The following SMC4 variants were observed in gnomAD, a reference collection of about 807,000 sequenced individuals.
The protein encoded by SMC4 is structural maintenance of chromosomes 4, also known as structural maintenance of chromosomes protein 4.
Under a neutral mutation model 145.6 loss-of-function variants are expected in SMC4, and 87 were observed. The ratio of observed to expected loss-of-function variants is 0.60; its 90% confidence interval spans 0.50 to 0.71. The LOEUF (loss-of-function observed/expected upper bound fraction) is 0.71. SMC4 is among the 30% of genes least tolerant of loss of function. The pLI, the probability that SMC4 is intolerant of heterozygous loss-of-function variation, is 0.00. For missense variants in SMC4, 1,447 were observed against 1,537.1 expected, an observed-to-expected ratio of 0.94 and a Z score of 0.98; for synonymous variants, 558 against 500.7, an observed-to-expected ratio of 1.11 and a Z score of -1.53.
chr3:160,432,368 G>A lies in SMC4; in HGVS notation c.3383G>A (p.Arg1128Gln), dbSNP rs186691188. 30 of 1,613,782 alleles carry A rather than the reference G, an allele frequency of 1.9e-5. No homozygotes were observed. Among genetic ancestry groups the A allele is most frequent in the African/African-American group, 1.3e-4 (10 of 74,984 alleles). Residue 1128 changes from arginine (R) to glutamine (Q), a missense_variant, in exon 22 of 24, where the codon CGG (arginine) becomes CAG (glutamine). Physicochemically the swap from Arg to Gln is conservative, Grantham distance 43 (BLOSUM62 1). Coordinates refer to ENST00000357388, the MANE Select transcript of SMC4 (RefSeq NM_001002800.3). ...DSFRQAYEDL[R>Q]KQRLNEFMAG... ...TTTAGACAGGCATATGAAGATCTTC[G>A]GAAACAAAGGCTTAATGAATTTATG...
intron 9 of SMC4, 38 bp from the exon 10 acceptor site, chr3:160,416,213 A>T: frequency 2.8e-6 from 4 of 1,445,850 alleles, no homozygotes; most frequent in Non-Finnish European, 3.7e-6. Context: ...TGGGTAACAT[A>T]AAGATGTATG....
At chr3:160,406,869 G>A (rs930060812) in intron 5 of SMC4, among the ~76,000 whole-genome samples, 21 of 152,130 alleles carry the variant, frequency 1.4e-4, no homozygotes, top group African/African-American at 4.8e-4. Context: ...TATTAAGATG[G>A]CTAAACCTTA....
At chr3:160,406,764 T>G (rs1715376408) in intron 5 of SMC4, among the ~76,000 whole-genome samples, 1 of 152,222 alleles carries the variant, frequency 6.6e-6, no homozygotes, top group Non-Finnish European at 1.5e-5. Flanking sequence ...ATTTTTCAAG[T>G]AGGCATTTTT....
chr3:160,430,871 T>C (rs535360163), intron 19 of SMC4, 128 bp downstream of exon 19: 1 of 1,252,816 alleles, frequency 8.0e-7, no homozygotes. Context: ...TATCAATTTT[T>C]ATTTGTACAA....
chr3:160,405,114 A>C (rs1027837936), intron 5 of SMC4, among the ~76,000 whole-genome samples: 6 of 152,100 alleles, frequency 3.9e-5, no homozygotes, highest in African/African-American at 1.4e-4. Context: ...TACTGAAAGA[A>C]CGAAACTTTG....
intron 12 of SMC4, chr3:160,420,484 T>C (rs1717049740): frequency 5.4e-6 from 2 of 371,428 alleles, no homozygotes; most frequent in Non-Finnish European, 9.6e-6. Flanking sequence ...GTTTTGCTTA[T>C]AGTTCATTTA....
intron 5 of SMC4, among the ~76,000 whole-genome samples, chr3:160,405,620 A>G (rs1489699364): frequency 6.6e-6 from 1 of 152,042 alleles, no homozygotes; most frequent in African/African-American, 2.4e-5. Flanking sequence ...ATTCTAGGAT[A>G]ACCTTTTTTA....
Position 160,412,383 on chromosome 3 carries a change from A to G in SMC4, c.910A>G (p.Ile304Val). The change falls in exon 7 of 24, where the codon ATA becomes GTA. Residue 304 changes from isoleucine to valine, a missense_variant. Transcript: ENST00000357388. ...GGATGCCTTAGAAGGAGAGAAAAAC[A>G]TAGCTATCGAATTTCTTACCTTGGA... ...EKDALEGEKN[I>V]AIEFLTLENE... The G allele has an allele frequency of 1.9e-6, 3 of 1,605,178 alleles. No homozygotes were observed. Among genetic ancestry groups the G allele is most frequent in the South Asian group, 1.1e-5 (1 of 90,742 alleles).
Position 160,411,907 on chromosome 3 carries a change from CTTTT to C in SMC4, c.688-8_688-5del. On this transcript the variant is annotated splice_polypyrimidine_tract_variant and intron_variant, in intron 5 of 23. Transcript: ENST00000357388. Reference sequence around the variant, plus strand: ...CATACACAGTGAGTATGAAATATAACTTTTTTTTAAAGGGTGAAGTTGAACAAAT... The same window carrying C: ...CATACACAGTGAGTATGAAATATAACTTTTAAAGGGTGAAGTTGAACAAAT... 1 of 1,607,624 alleles carries C rather than the reference CTTTT, an allele frequency of 6.2e-7. No homozygotes were observed. The highest frequency in any genetic ancestry group is 8.5e-7 in the Non-Finnish European group (1 of 1,176,710).
Position 160,424,887 on chromosome 3 carries a change from G to A in SMC4, c.2346G>A (p.Gln782=). ...TGTAGGTAAACAAAATGGAATCACA[G>A]TTGCAAAACGACTCTAAAAAAGCAA... ...SEEEVNKMES[Q]LQNDSKKAMQ... The change falls in exon 16 of 24, where the codon CAG becomes CAA. Residue 782 remains glutamine, a synonymous_variant. Coordinates refer to ENST00000357388, the MANE Select transcript of SMC4 (RefSeq NM_001002800.3). 2 of 1,613,684 alleles carry A rather than the reference G, an allele frequency of 1.2e-6. No individual in the cohort carries two copies. The highest frequency in any genetic ancestry group is 1.7e-6 in the Non-Finnish European group (2 of 1,179,846).
chr3:160,404,376 A>G lies in SMC4; in HGVS notation c.559A>G (p.Arg187Gly). Residue 187 changes from arginine to glycine, a missense_variant, in exon 5 of 24, where the codon AGA (arginine) becomes GGA (glycine). Arg to Gly is a moderately radical substitution (Grantham distance 125). Coordinates refer to ENST00000357388, the MANE Select transcript of SMC4 (RefSeq NM_001002800.3). ...VIPNSNFYVS[R>G]TACRDNTSVY... ...TCCTAACAGTAATTTCTATGTATCC[A>G]GAACGGCCTGCAGAGATAATACTTC... 1.2e-6 allele frequency: 2 copies of G among 1,609,614 alleles called. No individual in the cohort carries two copies. The highest frequency in any genetic ancestry group is 1.7e-6 in the Non-Finnish European group (2 of 1,178,718).
Position 160,433,757 on chromosome 3 carries a change from C to A in SMC4, c.3815C>A (p.Thr1272Lys). The A allele has an allele frequency of 6.2e-7, 1 of 1,600,118 alleles. No homozygotes were observed. ...GGAATTTACAAGACATACAACATAA[C>A]AAAAAGTGTTGCTGTAAATCCAAAA... Reference protein sequence around the residue: ...LIGIYKTYNITKSVAVNPKEI... With the variant: ...LIGIYKTYNIKKSVAVNPKEI... The change falls in exon 24 of 24, where the codon ACA becomes AAA. Residue 1272 changes from threonine to lysine, a missense_variant. Transcript: ENST00000357388.
At chr3:160,419,696 T>C (rs979300875) in intron 12 of SMC4, among the ~76,000 whole-genome samples, 153 bp downstream of exon 12, 1 of 152,196 alleles carries the variant, frequency 6.6e-6, no homozygotes, top group Non-Finnish European at 1.5e-5. Flanking sequence ...TTAAACATTT[T>C]GCCCTTACAG....
intron 20 of SMC4, 82 bp from the exon 21 acceptor site, chr3:160,431,561 T>C: frequency 9.3e-7 from 1 of 1,075,660 alleles, no homozygotes; most frequent in East Asian, 2.5e-5. Flanking sequence ...CATAGCTGTG[T>C]AATTTGTCAT....
intron 13 of SMC4, among the ~76,000 whole-genome samples, chr3:160,421,151 G>C (rs926119449): frequency 1.3e-5 from 2 of 151,764 alleles, no homozygotes; most frequent in African/African-American, 4.8e-5. Context: ...GGATGGTCTG[G>C]ATCTCCTGAC....
intron 22 of SMC4, 86 bp downstream of exon 22, chr3:160,432,601 G>A (rs1389484605): frequency 1.2e-6 from 1 of 851,600 alleles, no homozygotes; most frequent in Non-Finnish European, 1.8e-6. Flanking sequence ...GGTAGGATGT[G>A]AAGGCAAGAT....
At chr3:160,428,040 G>C (rs1717990350) in intron 17 of SMC4, among the ~76,000 whole-genome samples, 1 of 152,208 alleles carries the variant, frequency 6.6e-6, no homozygotes, top group Admixed American at 6.5e-5. Flanking sequence ...GAACCTGGGA[G>C]GTGGATGGAG....
intron 2 of SMC4, 75 bp from the exon 3 acceptor site, chr3:160,401,840 C>G: frequency 8.6e-7 from 1 of 1,161,350 alleles, no homozygotes; most frequent in Non-Finnish European, 1.2e-6. Context: ...GTCATTAGTT[C>G]TCCGAACTAA....
chr3:160,423,404 TGTTTG>T lies in SMC4; in HGVS notation c.2020-20_2020-16del. 7.0e-7 allele frequency: 1 copy of T among 1,419,136 alleles called. No individual in the cohort carries two copies. The highest frequency in any genetic ancestry group is 1.5e-5 in the South Asian group (1 of 68,052). 87.9% of individuals were successfully genotyped at this position (1,419,136 alleles called of 1,614,324 possible). Reference sequence around the variant, plus strand: ...TTTTTTGTTAACTGTTGTTTTTGTTTGTTTGTTTGTTTACTTTTAGATGGCTGTAT... The same window carrying T: ...TTTTTTGTTAACTGTTGTTTTTGTTTTTTGTTTACTTTTAGATGGCTGTAT... On this transcript the variant is annotated splice_polypyrimidine_tract_variant and intron_variant, in intron 13 of 23. Coordinates refer to ENST00000357388, the MANE Select transcript of SMC4 (RefSeq NM_001002800.3).
Sources: allele counts gnomAD v4.1 joint callset (sites outside exome capture counted in the v4.1 genomes callset), GRCh38; gene constraint gnomAD v4.1.1; transcripts MANE v1.5; gene names NCBI Gene and HGNC (gene_info 2026-07-23, HGNC 2026-07-21).